The following VOPP1 variants were observed in gnomAD, a reference collection of about 807,000 sequenced individuals.
VOPP1 encodes the protein WW domain binding protein VOPP1.
Under a neutral mutation model 23.5 loss-of-function variants are expected in VOPP1, and 8 were observed. The ratio of observed to expected loss-of-function variants is 0.34; its 90% confidence interval spans 0.20 to 0.61. The LOEUF (loss-of-function observed/expected upper bound fraction) is 0.61. Among genes scored for constraint, VOPP1 ranks in the 20% least tolerant of loss-of-function variants. The probability of loss-of-function intolerance (pLI) is 0.78; values close to 1 mark genes in which losing one functional copy is unlikely to be tolerated. For missense variants in VOPP1, 174 were observed against 238.1 expected (o/e 0.73, Z 1.77); for synonymous variants, 83 against 97.3 (o/e 0.85, Z 0.86).
chr7:55,507,693 C>G (rs116989158), intron 2 of VOPP1, among the ~76,000 whole-genome samples: 1,671 of 152,332 alleles, frequency 0.011, 11 homozygotes, highest in Middle Eastern at 0.02. Context: ...TCTTTCCTGT[C>G]AACCTCAGTT....
intron 4 of VOPP1, among the ~76,000 whole-genome samples, chr7:55,438,351 C>T (rs1482696350): frequency 6.6e-6 from 1 of 152,144 alleles, no homozygotes; most frequent in African/African-American, 2.4e-5. Context: ...AGACACTCAC[C>T]TGAATGCGTC....
intron 4 of VOPP1, among the ~76,000 whole-genome samples, chr7:55,438,684 A>G (rs1017997763): frequency 6.6e-6 from 1 of 152,216 alleles, no homozygotes; most frequent in African/African-American, 2.4e-5. Flanking sequence ...GGCCATTCTT[A>G]GGAGTCTGGC....
chr7:55,449,650 T>A (rs917138953), intron 4 of VOPP1, among the ~76,000 whole-genome samples: 9 of 152,162 alleles, frequency 5.9e-5, no homozygotes, highest in African/African-American at 2.2e-4. Flanking sequence ...TGGGGTCACC[T>A]GGAAGGAGCC....
intron 1 of VOPP1, among the ~76,000 whole-genome samples, chr7:55,541,945 G>T (rs985452673): frequency 6.6e-6 from 1 of 152,210 alleles, no homozygotes; most frequent in Admixed American, 6.5e-5. Context: ...AAAGGTACAA[G>T]ATTTCTTCTA....
At chr7:55,518,538 C>T (rs1480004322) in intron 2 of VOPP1, among the ~76,000 whole-genome samples, 1 of 152,154 alleles carries the variant, frequency 6.6e-6, no homozygotes, top group African/African-American at 2.4e-5. Flanking sequence ...AGGGGAGGAA[C>T]AAACTTTTAT....
chr7:55,477,865 A>AG (rs1792385965), intron 4 of VOPP1, among the ~76,000 whole-genome samples: 1 of 152,244 alleles, frequency 6.6e-6, no homozygotes, highest in African/African-American at 2.4e-5. Flanking sequence ...AAAGGGCAGC[A>AG]GGGCCGGATG....
intron 2 of VOPP1, among the ~76,000 whole-genome samples, chr7:55,502,365 A>G (rs1325835927): frequency 6.6e-6 from 1 of 152,258 alleles, no homozygotes; most frequent in Non-Finnish European, 1.5e-5. Context: ...AGCAGCAAAT[A>G]CACGCTGTCA....
At chr7:55,446,541 G>A (rs1791106224) in intron 4 of VOPP1, among the ~76,000 whole-genome samples, 2 of 152,140 alleles carry the variant, frequency 1.3e-5, no homozygotes, top group Admixed American at 1.3e-4. Flanking sequence ...GAGCTGCAAG[G>A]GAACTTTGGT....
chr7:55,470,590 C>T (rs1791754569), downstream of VOPP1: 1 of 152,244 alleles, frequency 6.6e-6, no homozygotes. Flanking sequence ...TTCCCACTCC[C>T]CCAACAAAAC....
chr7:55,470,602 A>G (rs958377974), downstream of VOPP1: 4 of 152,146 alleles, frequency 2.6e-5, no homozygotes, highest in Admixed American at 2.6e-4. Flanking sequence ...CAACAAAACA[A>G]TCAAAGCACA....
chr7:55,451,516 A>G lies in VOPP1; in HGVS notation n.418-15342T>C, dbSNP rs534924196. ...TTAAAAAATACTTTATTGTGGCCGG[A>G]TGTAGTGGCTCACGCCTGTAATCCC... On this transcript the variant is annotated intron_variant and non_coding_transcript_variant, in intron 4 of 4. Transcript: ENST00000462326. Among the ~76,000 whole-genome samples the G allele has an allele frequency of 2.0e-5, 3 of 152,314 alleles. No individual in the cohort carries two copies. In the South Asian group the frequency reaches 6.2e-4, roughly 32 times the overall value.
intron 1 of VOPP1, chr7:55,552,540 G>A: frequency 6.6e-7 from 1 of 1,507,254 alleles, no homozygotes; most frequent in South Asian, 1.2e-5. Flanking sequence ...AGCAACACAA[G>A]CATGATTTTC....
chr7:55,501,758 G>A (rs190778290), intron 2 of VOPP1, among the ~76,000 whole-genome samples: 1 of 152,140 alleles, frequency 6.6e-6, no homozygotes, highest in African/African-American at 2.4e-5. Flanking sequence ...GGGAATAAGG[G>A]GGGTGCAGAA....
At chr7:55,552,700 C>T (rs1797660112) in intron 1 of VOPP1, 1 of 1,535,832 alleles carries the variant, frequency 6.5e-7, no homozygotes, top group Admixed American at 2.0e-5. Flanking sequence ...GTCCTGGAGC[C>T]CCAGCCCCTC....
At chr7:55,497,432 AC>A (rs1382256107) in intron 3 of VOPP1, among the ~76,000 whole-genome samples, 180 bp downstream of exon 3, 1 of 151,488 alleles carries the variant, frequency 6.6e-6, no homozygotes, top group Non-Finnish European at 1.5e-5. Context: ...CTTCCCACAA[AC>A]CCCATGCGTG....
At chr7:55,451,233 G>A (rs1303241461) in intron 4 of VOPP1, among the ~76,000 whole-genome samples, 2 of 152,152 alleles carry the variant, frequency 1.3e-5, no homozygotes, top group East Asian at 1.9e-4. Flanking sequence ...GGACACTTCC[G>A]CACAGCCCAT....
At chr7:55,489,210 A>C (rs1368064039) in intron 4 of VOPP1, among the ~76,000 whole-genome samples, 1 of 152,246 alleles carries the variant, frequency 6.6e-6, no homozygotes, top group Non-Finnish European at 1.5e-5. Context: ...TGGAAACTGT[A>C]CACTACCGGG....
At chr7:55,543,392 G>A (rs1016349346) in intron 1 of VOPP1, among the ~76,000 whole-genome samples, 4 of 152,064 alleles carry the variant, frequency 2.6e-5, no homozygotes, top group African/African-American at 9.7e-5. Context: ...GTTCTTCCTT[G>A]GAGAAATGTG....
chr7:55,481,402 G>C (rs918671780), intron 4 of VOPP1, among the ~76,000 whole-genome samples: 6 of 152,218 alleles, frequency 3.9e-5, no homozygotes, highest in African/African-American at 1.4e-4. Context: ...CTTGCTGGAA[G>C]CAAGAGGCAG....
Sources: allele counts gnomAD v4.1 joint callset (sites outside exome capture counted in the v4.1 genomes callset), GRCh38; gene constraint gnomAD v4.1.1; transcripts MANE v1.5; gene names NCBI Gene and HGNC (gene_info 2026-07-23, HGNC 2026-07-21).